Variants in WDPCP observed in about 807,000 individuals in gnomAD.
The protein encoded by WDPCP is WD repeat containing planar cell polarity effector, also known as WD repeat-containing and planar cell polarity effector protein fritz homolog.
WDPCP carries 71 observed loss-of-function variants against 93.1 expected under a neutral mutation model. That is an observed-to-expected ratio of 0.76 (90% CI 0.63 to 0.93). The LOEUF (loss-of-function observed/expected upper bound fraction) is 0.93. WDPCP is among the 40% of genes least tolerant of loss of function. WDPCP has a pLI of 0.00. For missense variants in WDPCP, 844 were observed against 887.4 expected (o/e 0.95, Z 0.62); for synonymous variants, 315 against 315.0 (o/e 1.00, Z 0.00).
intron 14 of WDPCP, among the ~76,000 whole-genome samples, chr2:63,255,553 TCTCTCTGTTTCTTCCC>T (rs895067487): frequency 1.3e-5 from 2 of 152,182 alleles, no homozygotes; most frequent in South Asian, 4.1e-4. Context: ...GTCCTCCTCC[TCTCTCTGTTTCTTCCC>T]CTCTTACCAT....
chr2:63,170,778 T>C (rs1673326758), intron 15 of WDPCP, among the ~76,000 whole-genome samples: 1 of 152,194 alleles, frequency 6.6e-6, no homozygotes, highest in Non-Finnish European at 1.5e-5. Flanking sequence ...ATTTTTGTGG[T>C]ATTGGCTATG....
intron 1 of WDPCP, among the ~76,000 whole-genome samples, chr2:63,549,495 G>A (rs543187795): frequency 9.2e-5 from 14 of 152,130 alleles, no homozygotes; most frequent in South Asian, 8.3e-4. Flanking sequence ...TCAGCAAAGC[G>A]CGGTGGCTCA....
chr2:63,694,161 T>C (rs77803568), intron 2 of WDPCP, among the ~76,000 whole-genome samples: 1,874 of 152,248 alleles, frequency 0.012, 18 homozygotes, highest in Non-Finnish European at 0.015. Context: ...AGAAAAAGAG[T>C]TAATCAGTTG....
At chr2:63,555,927 A>C (rs1025048282) in intron 1 of WDPCP, among the ~76,000 whole-genome samples, 1 of 152,216 alleles carries the variant, frequency 6.6e-6, no homozygotes, top group Non-Finnish European at 1.5e-5. Flanking sequence ...GCTGAAAAAT[A>C]AAAAAGCCAG....
intron 13 of WDPCP, among the ~76,000 whole-genome samples, chr2:63,299,130 C>G (rs13429960): frequency 1.3e-5 from 2 of 152,302 alleles, no homozygotes; most frequent in African/African-American, 4.8e-5. Flanking sequence ...CCTGAAAGGG[C>G]ACAGGCTGCT....
At position 63,121,315 on chromosome 2, in the gene WDPCP, T is replaced by C. The variant is rs1188193126; in HGVS notation, c.*691A>G. ...TGAAAAATTTGCATAATAAATACTG[T>C]ATTTGTAATGTAAATTAATAATGTA... is the stretch of plus-strand genomic sequence containing the variant. On this transcript the variant is annotated 3_prime_UTR_variant, in exon 18 of 18. Coordinates refer to ENST00000272321, the MANE Select transcript of WDPCP (RefSeq NM_015910.7). 1.3e-5 allele frequency: 2 copies of C among 152,046 alleles called. No homozygotes were observed. The highest frequency in any genetic ancestry group is 2.4e-5 in the African/African-American group (1 of 41,418). 9.4% of individuals were successfully genotyped at this position (152,046 alleles called of 1,614,324 possible). A position where few individuals can be genotyped will look rare whatever the true frequency, so the allele number is the denominator to read the frequency against.
intron 3 of WDPCP, chr2:63,594,594 C>G: frequency 6.3e-7 from 1 of 1,575,992 alleles, no homozygotes; most frequent in Non-Finnish European, 8.7e-7. Flanking sequence ...CAGGTAGGAA[C>G]AGGTGTCTAT....
At chr2:63,369,380 T>A (rs1290541473) in intron 12 of WDPCP, 4 of 456,388 alleles carry the variant, frequency 8.8e-6, no homozygotes, top group African/African-American at 2.0e-5. Flanking sequence ...TCAACAACTG[T>A]CTTGATCAGG....
chr2:63,403,640 CAACA>C (rs1320651709), intron 10 of WDPCP: 1 of 159,800 alleles, frequency 6.3e-6, no homozygotes, highest in Non-Finnish European at 1.4e-5. Flanking sequence ...GTCTGGGAAG[CAACA>C]GACACCAATA....
rs191867761 is a variant in WDPCP, at chr2:63,529,208, C to T, written c.76-36268G>A. Among the ~76,000 whole-genome samples, 219 of 152,212 alleles carry T rather than the reference C, an allele frequency of 1.4e-3. 1 individual carries two copies. The highest frequency in any genetic ancestry group is 2.9e-3 in the Admixed American group (45 of 15,284). On this transcript the variant is annotated intron_variant, in intron 1 of 17. Coordinates refer to ENST00000272321, the MANE Select transcript of WDPCP (RefSeq NM_015910.7). Reference sequence around the variant, plus strand: ...TTTCCTAATTGAATACCCTTTATTTCCTTCTCCTGCCTGATTGCCCTGGCC... The same window carrying T: ...TTTCCTAATTGAATACCCTTTATTTTCTTCTCCTGCCTGATTGCCCTGGCC...
chr2:63,271,525 C>A (rs945819145), intron 13 of WDPCP, among the ~76,000 whole-genome samples: 1 of 152,202 alleles, frequency 6.6e-6, no homozygotes, highest in Non-Finnish European at 1.5e-5. Context: ...TCTGAGTACA[C>A]CATCTAGGGT....
chr2:63,548,386 A>G (rs762643260), intron 1 of WDPCP, among the ~76,000 whole-genome samples: 5 of 152,190 alleles, frequency 3.3e-5, no homozygotes, highest in Non-Finnish European at 4.4e-5. Context: ...TATGCATCCA[A>G]TAACATACCT....
intron 2 of WDPCP, among the ~76,000 whole-genome samples, chr2:63,785,852 A>G (rs969479660): frequency 1.3e-5 from 2 of 152,226 alleles, no homozygotes; most frequent in Non-Finnish European, 2.9e-5. Context: ...CTTTATTAAG[A>G]CGGTATGATC....
In WDPCP at chr2:63,574,145, C is replaced by T. The variant is rs980765457; in HGVS notation, c.75+14052G>A. ...TGATATTCTATTACCTTGTGCAGCA[C>T]GTGATGTCTGTGACCCACACCCTAT... is the stretch of plus-strand genomic sequence containing the variant. On this transcript the variant is annotated intron_variant, in intron 1 of 17. Transcript: ENST00000272321. Among the ~76,000 whole-genome samples, 13 of 152,258 alleles carry T rather than the reference C, an allele frequency of 8.5e-5. No homozygotes were observed. The South Asian group carries it at 1.7e-3, about 19-fold the overall frequency.
chr2:63,196,257 T>C (rs779148977), intron 14 of WDPCP, among the ~76,000 whole-genome samples: 2 of 152,228 alleles, frequency 1.3e-5, no homozygotes, highest in African/African-American at 2.4e-5. Flanking sequence ...TTGCTTGATA[T>C]GTACAATGGA....
chr2:63,388,109 A>C (rs890703970), intron 10 of WDPCP, among the ~76,000 whole-genome samples: 2 of 152,154 alleles, frequency 1.3e-5, no homozygotes, highest in Non-Finnish European at 2.9e-5. Flanking sequence ...TCTTCACAGA[A>C]TTAGAAAAAA....
chr2:63,405,446 C>T (rs1189823246), intron 9 of WDPCP, among the ~76,000 whole-genome samples: 1 of 151,772 alleles, frequency 6.6e-6, no homozygotes, highest in African/African-American at 2.4e-5. Flanking sequence ...ACAGTATTCC[C>T]AGTATGTGGG....
chr2:63,390,290 ATGAC>A (rs141120421), intron 10 of WDPCP, among the ~76,000 whole-genome samples: 84,895 of 151,308 alleles, frequency 0.56, 24,110 homozygotes, highest in Admixed American at 0.64. Flanking sequence ...ATGCTCCTGA[ATGAC>A]TGACTACTGG....
intron 1 of WDPCP, among the ~76,000 whole-genome samples, chr2:63,529,076 CTT>C (rs1295718640): frequency 6.6e-6 from 1 of 152,178 alleles, no homozygotes; most frequent in African/African-American, 2.4e-5. Context: ...TATCCTGAGA[CTT>C]TGCTGAAGTT....
Sources: gnomAD v4.1 joint callset for allele counts (sites outside exome capture counted in the v4.1 genomes callset) on GRCh38, gnomAD v4.1.1 for gene constraint, MANE v1.5 for transcripts, NCBI Gene and HGNC (gene_info 2026-07-23, HGNC 2026-07-21) for gene names.